Variants in CACNA1C observed in about 807,000 individuals in gnomAD.
The protein encoded by CACNA1C is calcium voltage-gated channel subunit alpha1 C, also known as voltage-dependent L-type calcium channel subunit alpha-1C.
A neutral mutation model predicts 229.0 loss-of-function variants in CACNA1C; 30 were observed. That is an observed-to-expected ratio of 0.13 (90% CI 0.10 to 0.18). The LOEUF is 0.18. Among genes scored for constraint, CACNA1C ranks in the 10% least tolerant of loss-of-function variants. CACNA1C has a pLI of 1.00. For missense variants in CACNA1C, 1,658 were observed against 2,845.0 expected, an observed-to-expected ratio of 0.58 and a Z score of 9.49; for synonymous variants, 1,114 against 1,132.5, an observed-to-expected ratio of 0.98 and a Z score of 0.33.
chr12:2,437,295 A>G (rs1413898085), intron 3 of CACNA1C, among the ~76,000 whole-genome samples: 2 of 152,060 alleles, frequency 1.3e-5, no homozygotes, highest in Non-Finnish European at 2.9e-5. Flanking sequence ...ACATGACTCA[A>G]AAATCAGGCA....
intron 3 of CACNA1C, among the ~76,000 whole-genome samples, chr12:2,422,579 A>G (rs2098989798): frequency 1.3e-5 from 2 of 152,162 alleles, no homozygotes; most frequent in Admixed American, 1.3e-4. Flanking sequence ...GTCATCTGAG[A>G]TAACCCCAGC....
At chr12:2,466,378 G>T (rs1242050285) in intron 5 of CACNA1C, among the ~76,000 whole-genome samples, 1 of 152,188 alleles carries the variant, frequency 6.6e-6, no homozygotes, top group African/African-American at 2.4e-5. Flanking sequence ...CCTGCAAACA[G>T]CTCCTGAACC....
intron 3 of CACNA1C, among the ~76,000 whole-genome samples, chr12:2,128,118 C>G (rs759723234): frequency 3.9e-5 from 6 of 152,168 alleles, no homozygotes; most frequent in African/African-American, 1.4e-4. Context: ...AAGTGTTATC[C>G]CTTTATTTCA....
chr12:2,332,861 A>G (rs2051990), intron 3 of CACNA1C, among the ~76,000 whole-genome samples: 18,111 of 152,266 alleles, frequency 0.12, 2,888 homozygotes, highest in African/African-American at 0.37. Context: ...TGTGGAGTAT[A>G]CTTGGTAGCA....
At chr12:2,182,929 C>T (rs900942172) in intron 3 of CACNA1C, among the ~76,000 whole-genome samples, 1 of 152,172 alleles carries the variant, frequency 6.6e-6, no homozygotes, top group East Asian at 1.9e-4. Context: ...GTCCTTAGTC[C>T]ACCGGATGCC....
chr12:2,457,464 G>A (rs745907047), intron 4 of CACNA1C, 103 bp from the exon 5 acceptor site: 24 of 1,274,536 alleles, frequency 1.9e-5, no homozygotes, highest in East Asian at 7.3e-5. Flanking sequence ...GGCTGGAGAC[G>A]CCTGCGCAAT....
At position 1,998,002 on chromosome 12, in the gene CACNA1C, G is replaced by A. The variant is rs200292669; in HGVS notation, c.139+26801G>A. ...TAAACAATAAAAACAAAACACACAA[G>A]ACATGTATGTTCTCTTCAATTCACA... is the stretch of plus-strand genomic sequence containing the variant. On this transcript the variant is annotated intron_variant, in intron 1 of 46. Coordinates refer to the CACNA1C transcript ENST00000682462. 744 of 1,593,798 alleles carry A rather than the reference G, an allele frequency of 4.7e-4. 6 individuals carry two copies. The South Asian group carries it at 7.9e-3, about 17-fold the overall frequency.
At chr12:2,105,305 G>C (rs773798209) in intron 1 of CACNA1C, among the ~76,000 whole-genome samples, 2 of 152,180 alleles carry the variant, frequency 1.3e-5, no homozygotes, top group Non-Finnish European at 2.9e-5. Flanking sequence ...AGTTGTATTT[G>C]AGGGAGTACT....
At chr12:2,119,751 G>A (rs575374000) in intron 2 of CACNA1C, among the ~76,000 whole-genome samples, 45 of 152,338 alleles carry the variant, frequency 3.0e-4, no homozygotes, top group East Asian at 1.2e-3. Context: ...ACCCCCTGCC[G>A]TACTCTTGGG....
Position 2,597,518 on chromosome 12 carries a change from ATCCTCTGTCGCTTTCTTTG to A in CACNA1C, c.2853+232_2853+250del. ...TAAGGTAATGCAACCTGGGCAATGC[ATCCTCTGTCGCTTTCTTTG>A]TCTATCTCTGCTCTGTGTGGCTGGA... On this transcript the variant is annotated intron_variant, in intron 21 of 46. Coordinates refer to ENST00000399655, the MANE Select transcript of CACNA1C (RefSeq NM_000719.7). The surrounding 1 kb of genome is among the most constrained non-coding windows in gnomAD (Gnocchi z 4.3). 2 of 1,456,290 alleles carry A rather than the reference ATCCTCTGTCGCTTTCTTTG, an allele frequency of 1.4e-6. No individual in the cohort carries two copies. Among genetic ancestry groups the A allele is most frequent in the Non-Finnish European group, 1.9e-6 (2 of 1,036,108 alleles). 90.2% of individuals were successfully genotyped at this position (1,456,290 alleles called of 1,614,324 possible). A position where few individuals can be genotyped will look rare whatever the true frequency, so the allele number is the denominator to read the frequency against.
Position 2,601,932 on chromosome 12 carries a change from A to G in CACNA1C, c.2932A>G (p.Ser978Gly). ...YFNILDLLVV[S>G]VSLISFGIQS... ...CAACATCCTGGACCTGCTGGTGGTC[A>G]GCGTGTCCCTCATCTCCTTTGGCAT... Residue 978 changes from serine (S) to glycine (G), a missense_variant, in exon 22 of 47, where the codon AGC (serine) becomes GGC (glycine). Ser to Gly is a moderately conservative substitution (Grantham distance 56). Around this residue, in one of 20 missense-constraint regions of CACNA1C, gnomAD observed 39 missense variants for 143.3 expected, o/e 0.27. Coordinates refer to ENST00000399655, the MANE Select transcript of CACNA1C (RefSeq NM_000719.7). The surrounding 1 kb of genome is among the most constrained non-coding windows in gnomAD (Gnocchi z 5.9). 1 of 1,613,526 alleles carries G rather than the reference A, an allele frequency of 6.2e-7. No individual in the cohort carries two copies. Among genetic ancestry groups the G allele is most frequent in the Non-Finnish European group, 8.5e-7 (1 of 1,179,456 alleles).
chr12:2,500,808 T>C (rs1347752719), intron 7 of CACNA1C, among the ~76,000 whole-genome samples: 1 of 152,166 alleles, frequency 6.6e-6, no homozygotes, highest in Non-Finnish European at 1.5e-5. Flanking sequence ...GGTGCCGGCG[T>C]GCCCTCGAGG....
rs184602212 is a variant in CACNA1C at position 2,333,936 on chromosome 12, G to A, written c.478-115040G>A. On this transcript the variant is annotated intron_variant, in intron 3 of 46. Transcript: ENST00000399655. ...AGGGAAATCAAGTTACTTGCCTCCC[G>A]TCATTGGTGACTAGGTCAGTCTTCT... Among the ~76,000 whole-genome samples the A allele has an allele frequency of 8.6e-4, 131 of 152,308 alleles. 1 individual carries two copies. Among genetic ancestry groups the A allele is most frequent in the African/African-American group, 2.9e-3 (120 of 41,570 alleles).
Position 1,993,400 on chromosome 12 carries a change from C to T in CACNA1C, c.139+22199C>T, listed in dbSNP as rs138294843. 5.9e-4 allele frequency: 954 copies of T among 1,608,760 alleles called. 4 individuals are homozygous for T. The African/African-American group carries it at 0.011, about 19-fold the overall frequency. On this transcript the variant is annotated intron_variant, in intron 1 of 46. Coordinates refer to the CACNA1C transcript ENST00000682462. ...GCTTTGGAGAAGCAGACCTAAAAATCACAAGGAGTCAGGGGGAAATCAATA... is the reference window on the plus strand; with the variant it reads ...GCTTTGGAGAAGCAGACCTAAAAATTACAAGGAGTCAGGGGGAAATCAATA...
intron 34 of CACNA1C, among the ~76,000 whole-genome samples, chr12:2,662,201 C>A (rs2095795506): frequency 6.7e-6 from 1 of 148,886 alleles, no homozygotes; most frequent in Non-Finnish European, 1.5e-5. Flanking sequence ...AAGATTGCGC[C>A]ACTGCACTGC....
intron 1 of CACNA1C, among the ~76,000 whole-genome samples, chr12:2,109,304 C>G (rs1450639198): frequency 1.3e-5 from 2 of 152,160 alleles, no homozygotes; most frequent in Non-Finnish European, 2.9e-5. Context: ...GGGGAGAACA[C>G]TGGCAGCTAG....
At chr12:2,616,961 A>G (rs2080961370) in intron 29 of CACNA1C, among the ~76,000 whole-genome samples, 1 of 152,220 alleles carries the variant, frequency 6.6e-6, no homozygotes, top group Admixed American at 6.5e-5. Context: ...CACCACACAC[A>G]AAGGACGTGG....
intron 1 of CACNA1C, among the ~76,000 whole-genome samples, chr12:1,990,423 GT>G (rs1159107767): frequency 6.6e-6 from 1 of 152,112 alleles, no homozygotes; most frequent in Non-Finnish European, 1.5e-5. Flanking sequence ...TCTATTTTGT[GT>G]TTGAATGAAG....
chr12:2,466,696 C>T (rs112595090), intron 5 of CACNA1C, among the ~76,000 whole-genome samples: 1,636 of 152,328 alleles, frequency 0.011, 25 homozygotes, highest in African/African-American at 0.033. Context: ...GACCCAGCCT[C>T]CAGCCCTGCA....
Sources: allele counts gnomAD v4.1 joint callset (sites outside exome capture counted in the v4.1 genomes callset), GRCh38; gene constraint gnomAD v4.1.1; regional missense constraint gnomAD v4.1.1; non-coding constraint Gnocchi (gnomAD v3.1); transcripts MANE v1.5; gene names NCBI Gene and HGNC (gene_info 2026-07-23, HGNC 2026-07-21).